Variants in SLC25A29 observed in about 807,000 individuals in gnomAD.
SLC25A29 encodes solute carrier family 25 member 29.
Under a neutral mutation model 10.0 loss-of-function variants are expected in SLC25A29, and 13 were observed. The ratio of observed to expected loss-of-function variants is 1.30; its 90% CI spans 0.85 to 2.07. The LOEUF (loss-of-function observed/expected upper bound fraction) is 2.07, where lower values mean the gene tolerates loss of function less well. Among genes scored for constraint, SLC25A29 ranks in the 30% most tolerant of loss-of-function variants. The pLI is 0.00. For synonymous variants in SLC25A29, 244 were observed against 221.1 expected (o/e 1.10, Z -0.92); for missense variants, 475 against 447.6 (o/e 1.06, Z -0.55).
chr14:100,292,225 C>T lies in SLC25A29; in HGVS notation c.*58G>A, dbSNP rs962463163. 1.3e-6 allele frequency: 2 copies of T among 1,521,982 alleles called. No homozygotes were observed. Among genetic ancestry groups the T allele is most frequent in the Admixed American group, 2.0e-5 (1 of 50,618 alleles). 94.3% of individuals were successfully genotyped at this position (1,521,982 alleles called of 1,614,324 possible). On this transcript the variant is annotated 3_prime_UTR_variant, in exon 4 of 4. Coordinates refer to ENST00000359232, the MANE Select transcript of SLC25A29 (RefSeq NM_001039355.3). ...GGAAGCAGGGCAATCGACTCAGGGG[C>T]CAATTTATGTCCCAGGTTTCTGAGA... is the stretch of plus-strand genomic sequence containing the variant.
chr14:100,285,913 T>TG, the SLC25A29 span, among the ~76,000 whole-genome samples: 1 of 152,072 alleles, frequency 6.6e-6, no homozygotes, highest in Non-Finnish European at 1.5e-5. Flanking sequence ...GACAGGGCCT[T>TG]GGGGTGCCGG....
rs577174300 is a variant in SLC25A29, at chr14:100,296,157, G to C, written c.78+2685C>G. ...GTGGTGTTGGAAGTGAGGACAGTGG[G>C]CCAGGCCTGTCATCCCAGCACTTTG... On this transcript the variant is annotated intron_variant, in intron 2 of 3. Coordinates refer to ENST00000359232, the MANE Select transcript of SLC25A29 (RefSeq NM_001039355.3). 4.6e-6 allele frequency: 3 copies of C among 648,498 alleles called. No individual in the cohort carries two copies. The South Asian group carries it at 5.5e-5, about 12-fold the overall frequency. 40.2% of individuals were successfully genotyped at this position (648,498 alleles called of 1,614,324 possible). A position where few individuals can be genotyped will look rare whatever the true frequency, so the allele number is the denominator to read the frequency against.
intron 1 of SLC25A29, among the ~76,000 whole-genome samples, chr14:100,303,733 T>G (rs1468504389): frequency 6.8e-6 from 1 of 147,904 alleles, no homozygotes; most frequent in Non-Finnish European, 1.5e-5. Flanking sequence ...TACTGTCTAC[T>G]GTCCTCCCTA....
At chr14:100,305,719 GCCCT>G (rs1892891179) in intron 1 of SLC25A29, 1 of 153,550 alleles carries the variant, frequency 6.5e-6, no homozygotes, top group Admixed American at 6.5e-5. Flanking sequence ...GTGGTTCAGT[GCCCT>G]CCAAGGCCAG....
chr14:100,287,450 T>G (rs1277904070), downstream of SLC25A29, among the ~76,000 whole-genome samples: 1 of 152,102 alleles, frequency 6.6e-6, no homozygotes, highest in African/African-American at 2.4e-5. Flanking sequence ...CAGTGCCGTT[T>G]CATAGCCCTT....
chr14:100,284,833 A>G, the SLC25A29 span, among the ~76,000 whole-genome samples: 1 of 152,140 alleles, frequency 6.6e-6, no homozygotes, highest in East Asian at 1.9e-4. Context: ...TGAGGTCGGG[A>G]GTTTGAGACG....
chr14:100,293,720 G>A, intron 2 of SLC25A29: 1 of 253,164 alleles, frequency 4.0e-6, no homozygotes, highest in Non-Finnish European at 7.7e-6. Flanking sequence ...TTCTCCAGGT[G>A]ATGCTTGTCA....
At chr14:100,303,755 G>A (rs905287673) in intron 1 of SLC25A29, among the ~76,000 whole-genome samples, 4 of 152,138 alleles carry the variant, frequency 2.6e-5, no homozygotes, top group African/African-American at 7.2e-5. Context: ...GCTGGGCTCC[G>A]GAGGCAATCC....
chr14:100,292,322 G>GA lies in SLC25A29; in HGVS notation c.872_873insT (p.Ala293CysfsTer30). 3 of 1,506,494 alleles carry GA rather than the reference G, an allele frequency of 2.0e-6. No individual in the cohort carries two copies. The highest frequency in any genetic ancestry group is 1.8e-6 in the Non-Finnish European group (2 of 1,131,778). The allele number at this position is 1,506,494 out of a possible 1,614,324, so 93.3% of individuals were successfully genotyped here. ...GCTGCGCCAGGGCAGGCCCCGCAGG[G>GA]GCGGCGGGCACAGCCTCGCCCTCGG... On this transcript the variant is annotated frameshift_variant, in exon 4 of 4. Transcript: ENST00000359232. LOFTEE classifies it high-confidence loss of function.
the SLC25A29 span, among the ~76,000 whole-genome samples, chr14:100,283,483 C>CTTT: frequency 9.3e-5 from 12 of 128,586 alleles, no homozygotes; most frequent in African/African-American, 3.2e-4. Flanking sequence ...TTTGGAATTG[C>CTTT]TTTTTTTTTT....
the SLC25A29 span, among the ~76,000 whole-genome samples, chr14:100,284,456 G>A: frequency 6.6e-6 from 1 of 152,134 alleles, no homozygotes; most frequent in African/African-American, 2.4e-5. Flanking sequence ...GTCTCAGCAC[G>A]TGATTTGAAC....
chr14:100,302,572 G>T (rs1892635045), intron 1 of SLC25A29, among the ~76,000 whole-genome samples: 1 of 151,636 alleles, frequency 6.6e-6, no homozygotes, highest in African/African-American at 2.4e-5. Flanking sequence ...GGCCAGGAGG[G>T]TCTCGATCTC....
the SLC25A29 span, among the ~76,000 whole-genome samples, chr14:100,284,649 A>G: frequency 6.6e-6 from 1 of 152,192 alleles, no homozygotes; most frequent in Admixed American, 6.5e-5. Context: ...TGATTCGATC[A>G]ATGCAATTAT....
At chr14:100,301,805 C>T (rs1358849225) in intron 1 of SLC25A29, among the ~76,000 whole-genome samples, 2 of 152,122 alleles carry the variant, frequency 1.3e-5, no homozygotes, top group Admixed American at 6.5e-5. Flanking sequence ...CCACCACGCC[C>T]GGCACTTCCT....
chr14:100,296,978 C>G (rs1161993534), intron 2 of SLC25A29, among the ~76,000 whole-genome samples: 2 of 151,986 alleles, frequency 1.3e-5, no homozygotes, highest in African/African-American at 4.8e-5. Flanking sequence ...GCCTGTAATC[C>G]CAGCTACCCA....
Position 100,292,018 on chromosome 14 carries a change from C to A in SLC25A29, c.*265G>T. The stretch of plus-strand genomic sequence containing the variant: ...TAACGGTGCAATGGCCTCAGCCAGG[C>A]CAGGTGCTGGCTGCTGCTGGGAATA... On this transcript the variant is annotated 3_prime_UTR_variant, in exon 4 of 4. Coordinates refer to ENST00000359232, the MANE Select transcript of SLC25A29 (RefSeq NM_001039355.3). 1 of 497,844 alleles carries A rather than the reference C, an allele frequency of 2.0e-6. No individual in the cohort carries two copies. Among genetic ancestry groups the A allele is most frequent in the South Asian group, 2.2e-5 (1 of 46,336 alleles). The allele number at this position is 497,844 out of a possible 1,614,324, so 30.8% of individuals were successfully genotyped here.
intron 2 of SLC25A29, chr14:100,295,804 AG>A: frequency 2.3e-6 from 3 of 1,289,260 alleles, no homozygotes; most frequent in Non-Finnish European, 3.0e-6. Flanking sequence ...TCCCATGCCC[AG>A]GGATGGCCGG....
downstream of SLC25A29, among the ~76,000 whole-genome samples, chr14:100,289,544 A>G (rs937616381): frequency 6.6e-6 from 1 of 152,052 alleles, no homozygotes; most frequent in African/African-American, 2.4e-5. Context: ...ACTTATTCCA[A>G]ATCAATTGAA....
chr14:100,293,400 G>GAGGC (rs1555372804), intron 2 of SLC25A29, 23 bp from the exon 3 acceptor site: 4 of 1,608,094 alleles, frequency 2.5e-6, no homozygotes, highest in East Asian at 2.2e-5. Context: ...GGTCCAGTGA[G>GAGGC]AGGCAGGCAG....
Sources: gnomAD v4.1 joint callset for allele counts (sites outside exome capture counted in the v4.1 genomes callset) on GRCh38, gnomAD v4.1.1 for gene constraint, MANE v1.5 for transcripts, NCBI Gene and HGNC (gene_info 2026-07-23, HGNC 2026-07-21) for gene names.